Variants in C6 observed in about 807,000 individuals in gnomAD.
C6 encodes complement C6.
C6 carries 101 observed loss-of-function variants against 112.9 expected under a neutral mutation model. The observed-to-expected ratio is 0.89, with a 90% CI of 0.76 to 1.06. The LOEUF is 1.06. Ranked by LOEUF, C6 falls within the 50% of genes least tolerant of loss-of-function variation. The probability of loss-of-function intolerance (pLI) is 0.00; values close to 1 mark genes in which losing one functional copy is unlikely to be tolerated. For missense variants in C6, 1,202 were observed against 1,104.6 expected, an observed-to-expected ratio of 1.09 and a Z score of -1.25; for synonymous variants, 431 against 384.1, an observed-to-expected ratio of 1.12 and a Z score of -1.43.
chr5:41,173,854 T>G (rs2150305739), intron 8 of C6, among the ~76,000 whole-genome samples: 1 of 152,264 alleles, frequency 6.6e-6, no homozygotes, highest in East Asian at 1.9e-4. Flanking sequence ...ATGCTTAGTT[T>G]GCATATTCAA....
In C6 at chr5:41,230,921, T is replaced by A. The variant is rs1053683583; in HGVS notation, c.-20-27671A>T. On this transcript the variant is annotated intron_variant, in intron 1 of 17. Transcript: ENST00000263413. ...GCTGGTTCCCCTAATATTCTTTCCATATATAGTTTCTATTGTTATATCTTT... is the reference window on the plus strand; with the variant it reads ...GCTGGTTCCCCTAATATTCTTTCCAAATATAGTTTCTATTGTTATATCTTT... 2.6e-5 allele frequency among the ~76,000 whole-genome samples: 4 copies of A among 152,194 alleles called. No individual in the cohort carries two copies. The East Asian group carries it at 5.8e-4, about 22-fold the overall frequency.
chr5:41,214,039 A>G (rs1752096260), upstream of C6, among the ~76,000 whole-genome samples: 1 of 152,174 alleles, frequency 6.6e-6, no homozygotes. Context: ...AATGATGATT[A>G]CGCTTCTCTG....
At chr5:41,207,259 G>C (rs1377171627) in intron 1 of C6, among the ~76,000 whole-genome samples, 2 of 152,172 alleles carry the variant, frequency 1.3e-5, no homozygotes, top group African/African-American at 4.8e-5. Context: ...ACTGGTACCA[G>C]CCACTGCAAA....
chr5:41,208,323 G>A (rs1265174482), intron 1 of C6, among the ~76,000 whole-genome samples: 1 of 152,098 alleles, frequency 6.6e-6, no homozygotes, highest in East Asian at 1.9e-4. Flanking sequence ...AGAGAAGCAA[G>A]AGCAAACACA....
chr5:41,191,612 T>C (rs1159317950), intron 5 of C6, among the ~76,000 whole-genome samples: 1 of 152,204 alleles, frequency 6.6e-6, no homozygotes, highest in Admixed American at 6.5e-5. Context: ...TAGTTTTCCT[T>C]GCAGAGATCT....
chr5:41,183,751 T>C (rs1007416128), intron 6 of C6, among the ~76,000 whole-genome samples: 2 of 152,088 alleles, frequency 1.3e-5, no homozygotes, highest in Non-Finnish European at 2.9e-5. Flanking sequence ...CAGCAGTGGA[T>C]TGGATAAAGA....
At chr5:41,152,798 ATT>A (rs1746535862) in intron 15 of C6, 2 of 152,230 alleles carry the variant, frequency 1.3e-5, no homozygotes, top group African/African-American at 2.4e-5. Context: ...CAAGGTATAC[ATT>A]GTTTCCAAAA....
intron 17 of C6, among the ~76,000 whole-genome samples, chr5:41,148,382 T>C (rs1746049707): frequency 6.6e-6 from 1 of 152,220 alleles, no homozygotes; most frequent in Non-Finnish European, 1.5e-5. Flanking sequence ...TTTTATATTT[T>C]AAAAATTTGT....
intron 1 of C6, among the ~76,000 whole-genome samples, chr5:41,248,107 G>C (rs777853748): frequency 3.3e-5 from 5 of 152,172 alleles, no homozygotes; most frequent in Admixed American, 6.5e-5. Context: ...TGCTGAGATA[G>C]CTGGCTAGCA....
intron 1 of C6, among the ~76,000 whole-genome samples, chr5:41,224,909 C>T (rs1449238676): frequency 6.6e-6 from 1 of 152,098 alleles, no homozygotes; most frequent in African/African-American, 2.4e-5. Context: ...CTTGCCAACA[C>T]TTGTTATTTT....
chr5:41,246,254 ATC>A (rs1161134660), intron 1 of C6, among the ~76,000 whole-genome samples: 1 of 151,860 alleles, frequency 6.6e-6, no homozygotes, highest in Non-Finnish European at 1.5e-5. Context: ...TTGCTGTTAG[ATC>A]TCTGTTTCTA....
intron 1 of C6, among the ~76,000 whole-genome samples, chr5:41,224,094 T>C (rs1219773450): frequency 6.6e-6 from 1 of 152,212 alleles, no homozygotes; most frequent in Non-Finnish European, 1.5e-5. Flanking sequence ...CACGACATGA[T>C]GTTTTGATAT....
At chr5:41,223,501 A>C (rs1401590244) in intron 1 of C6, among the ~76,000 whole-genome samples, 2 of 152,148 alleles carry the variant, frequency 1.3e-5, no homozygotes, top group East Asian at 3.9e-4. Flanking sequence ...GTAAAGGATA[A>C]ATTGAAATAC....
At chr5:41,176,930 A>G (rs958213095) in intron 7 of C6, among the ~76,000 whole-genome samples, 2 of 152,224 alleles carry the variant, frequency 1.3e-5, no homozygotes, top group African/African-American at 4.8e-5. Flanking sequence ...GATTATCTCA[A>G]TAATGTAAAC....
At chr5:41,200,018 A>C (rs1276252204) in intron 3 of C6, 106 bp from the exon 4 acceptor site, 1 of 961,636 alleles carries the variant, frequency 1.0e-6, no homozygotes, top group African/African-American at 1.6e-5. Context: ...TCCTATGGTA[A>C]TATTTCTTAT....
At chr5:41,146,431 C>T (rs1745832311) in intron 17 of C6, among the ~76,000 whole-genome samples, 1 of 152,078 alleles carries the variant, frequency 6.6e-6, no homozygotes, top group Non-Finnish European at 1.5e-5. Context: ...ACTAATATTC[C>T]AACTTCCCAT....
At chr5:41,181,685 C>T in intron 6 of C6, 126 bp from the exon 7 acceptor site, 2 of 813,148 alleles carry the variant, frequency 2.5e-6, no homozygotes, top group Non-Finnish European at 4.0e-6. Flanking sequence ...ACACATTTTG[C>T]TAGAGAACAA....
Position 41,237,888 on chromosome 5 carries a change from T to A in C6, c.-21+23306A>T, listed in dbSNP as rs1238476242. Among the ~76,000 whole-genome samples, 5 of 29,350 alleles carry A rather than the reference T, an allele frequency of 1.7e-4. 1 individual carries two copies. Among genetic ancestry groups the A allele is most frequent in the African/African-American group, 7.4e-4 (5 of 6,716 alleles). The allele number at this position is 29,350 out of a possible 152,430, so 19.3% of individuals were successfully genotyped here. ...AAGCAACTTCAGCAAAGTCTCAGGA[T>A]ACAAAATCAATGTACAAAAATCACA... On this transcript the variant is annotated intron_variant, in intron 1 of 17. Transcript: ENST00000263413.
At chr5:41,149,874 A>C in intron 16 of C6, 61 bp downstream of exon 16, 1 of 1,095,838 alleles carries the variant, frequency 9.1e-7, no homozygotes, top group Non-Finnish European at 1.4e-6. Context: ...TCTTCCATCA[A>C]ATTGGTTACA....
Sources: gnomAD v4.1 joint callset for allele counts (sites outside exome capture counted in the v4.1 genomes callset) on GRCh38, gnomAD v4.1.1 for gene constraint, MANE v1.5 for transcripts, NCBI Gene and HGNC (gene_info 2026-07-23, HGNC 2026-07-21) for gene names.